NRDC: variants seen among roughly 807,000 people sequenced by gnomAD.
NRDC encodes the protein nardilysin.
Under a neutral mutation model 147.1 loss-of-function variants are expected in NRDC, and 54 were observed. The ratio of observed to expected loss-of-function variants is 0.37; its 90% CI spans 0.29 to 0.46. The LOEUF (loss-of-function observed/expected upper bound fraction) is 0.46, where lower values mean the gene tolerates loss of function less well. NRDC is among the 20% of genes least tolerant of loss of function. The probability of loss-of-function intolerance (pLI) is 1.00; values close to 1 mark genes in which losing one functional copy is unlikely to be tolerated. For synonymous variants in NRDC, 440 were observed against 482.1 expected, an observed-to-expected ratio of 0.91 and a Z score of 1.14; for missense variants, 1,082 against 1,370.6, an observed-to-expected ratio of 0.79 and a Z score of 3.33.
intron 2 of NRDC, 35 bp downstream of exon 2, chr1:51,840,191 T>G (rs1455223527): frequency 6.5e-7 from 1 of 1,539,752 alleles, no homozygotes; most frequent in South Asian, 1.3e-5. Context: ...ACCCAAAGAA[T>G]TCCCAAATTA....
intron 5 of NRDC, among the ~76,000 whole-genome samples, chr1:51,826,905 T>C (rs1680471392): frequency 6.6e-6 from 1 of 152,184 alleles, no homozygotes; most frequent in South Asian, 2.1e-4. Context: ...AAAAACATAC[T>C]AGAAAGCATT....
chr1:51,863,013 GAAAAAAAAAAAAAAA>G (rs562410956), intron 1 of NRDC, among the ~76,000 whole-genome samples: 1 of 32,048 alleles, frequency 3.1e-5, no homozygotes, highest in Non-Finnish European at 5.0e-5. Context: ...CTGTGTGGAG[GAAAAAAAAAAAAAAA>G]AAAAAAAAAA....
intron 1 of NRDC, among the ~76,000 whole-genome samples, chr1:51,845,415 G>T (rs1681505414): frequency 1.3e-5 from 2 of 152,112 alleles, no homozygotes. Context: ...CAACAATGGC[G>T]AAAACCCGAC....
At chr1:51,825,886 T>G (rs1293012217) in intron 5 of NRDC, among the ~76,000 whole-genome samples, 1 of 152,204 alleles carries the variant, frequency 6.6e-6, no homozygotes, top group East Asian at 1.9e-4. Context: ...TGAAACTTAA[T>G]CCCCAATGTG....
intron 22 of NRDC, among the ~76,000 whole-genome samples, chr1:51,797,175 TG>T (rs1467726868): frequency 2.0e-5 from 3 of 151,950 alleles, no homozygotes; most frequent in Non-Finnish European, 2.9e-5. Context: ...GACTCCAGCC[TG>T]GGTGACAGAG....
intron 1 of NRDC, among the ~76,000 whole-genome samples, chr1:51,844,727 G>A (rs766569776): frequency 4.2e-5 from 6 of 144,456 alleles, no homozygotes; most frequent in Non-Finnish European, 7.6e-5. Context: ...CTGGGCGACA[G>A]AGCAAGACTC....
chr1:51,790,585 T>C lies in NRDC; in HGVS notation c.3116A>G (p.Asn1039Ser). ...DTHLGEEVDRNWNEVVTQQYL... is the reference protein window; with the variant it reads ...DTHLGEEVDRSWNEVVTQQYL... Reference sequence around the variant, plus strand: ...CTGCTGTGTAACCACTTCATTCCAGTTCCTATCCACCTCCTCCCCAAGGTG... The same window carrying C: ...CTGCTGTGTAACCACTTCATTCCAGCTCCTATCCACCTCCTCCCCAAGGTG... The change falls in exon 29 of 31, where the codon AAC (asparagine) becomes AGC (serine). Residue 1039 changes from asparagine to serine, a missense_variant. Physicochemically the swap from Asn to Ser is conservative, Grantham distance 46 (BLOSUM62 1). Coordinates refer to ENST00000352171, the MANE Select transcript of NRDC (RefSeq NM_001101662.2). 1 of 1,614,074 alleles carries C rather than the reference T, an allele frequency of 6.2e-7. No individual in the cohort carries two copies. The highest frequency in any genetic ancestry group is 8.5e-7 in the Non-Finnish European group (1 of 1,179,936).
chr1:51,876,056 A>G (rs1683309528), intron 1 of NRDC, among the ~76,000 whole-genome samples: 2 of 152,222 alleles, frequency 1.3e-5, no homozygotes, highest in Non-Finnish European at 2.9e-5. Flanking sequence ...AAACAAATTT[A>G]CCAAAAATGA....
At chr1:51,838,060 T>C (rs997285943) in intron 2 of NRDC, among the ~76,000 whole-genome samples, 5 of 152,202 alleles carry the variant, frequency 3.3e-5, no homozygotes, top group Non-Finnish European at 7.4e-5. Flanking sequence ...CATTTACCAC[T>C]TACGATCGTG....
chr1:51,790,786 G>A (rs369731877), intron 28 of NRDC, 114 bp downstream of exon 28: 3 of 971,644 alleles, frequency 3.1e-6, no homozygotes, highest in East Asian at 2.4e-5. Context: ...AGACACTATT[G>A]TAAGAGGAAG....
At chr1:51,871,569 T>C (rs1383881749) in intron 1 of NRDC, among the ~76,000 whole-genome samples, 3 of 132,714 alleles carry the variant, frequency 2.3e-5, no homozygotes, top group Non-Finnish European at 4.7e-5. Flanking sequence ...GCTTCCCAAC[T>C]GCTCCTTTTC....
chr1:51,854,292 C>T (rs1682129447), intron 1 of NRDC, among the ~76,000 whole-genome samples: 3 of 152,130 alleles, frequency 2.0e-5, no homozygotes, highest in Admixed American at 2.0e-4. Flanking sequence ...CGCTTGAACC[C>T]AGGAGGCAGA....
chr1:51,863,606 T>G (rs557073840), intron 1 of NRDC, among the ~76,000 whole-genome samples: 7 of 152,280 alleles, frequency 4.6e-5, no homozygotes, highest in Non-Finnish European at 1.0e-4. Context: ...CCACAAACTA[T>G]AGTTTCAGAA....
At chr1:51,831,936 A>T (rs1680732691) in intron 4 of NRDC, among the ~76,000 whole-genome samples, 2 of 152,328 alleles carry the variant, frequency 1.3e-5, no homozygotes, top group East Asian at 1.9e-4. Flanking sequence ...CAAAAAAAAA[A>T]TAAATAAATA....
chr1:51,877,825 T>G (rs1227590702), intron 1 of NRDC, among the ~76,000 whole-genome samples: 1 of 152,182 alleles, frequency 6.6e-6, no homozygotes, highest in African/African-American at 2.4e-5. Flanking sequence ...AGCCACACCA[T>G]CCTCTGGTAA....
chr1:51,874,654 A>C (rs1340691280), intron 1 of NRDC, among the ~76,000 whole-genome samples: 1 of 152,080 alleles, frequency 6.6e-6, no homozygotes, highest in Non-Finnish European at 1.5e-5. Context: ...CACCACTACT[A>C]ATCCTGCCCA....
At chr1:51,855,911 CACATT>C (rs1446831710) in intron 1 of NRDC, among the ~76,000 whole-genome samples, 2 of 151,892 alleles carry the variant, frequency 1.3e-5, no homozygotes, top group African/African-American at 2.4e-5. Context: ...ATATACTACA[CACATT>C]ACAAGAACAC....
chr1:51,858,471 T>TAAAAA (rs79682328), intron 1 of NRDC, among the ~76,000 whole-genome samples: 1 of 122,026 alleles, frequency 8.2e-6, no homozygotes, highest in East Asian at 2.3e-4. Context: ...ACCCTGTCTT[T>TAAAAA]AAAAAAAAAA....
intron 1 of NRDC, among the ~76,000 whole-genome samples, chr1:51,842,083 G>A (rs1178621177): frequency 6.6e-6 from 1 of 152,110 alleles, no homozygotes; most frequent in Non-Finnish European, 1.5e-5. Flanking sequence ...GAGGTTGGGA[G>A]GATGATTTGA....
Sources: allele counts gnomAD v4.1 joint callset (sites outside exome capture counted in the v4.1 genomes callset), GRCh38; gene constraint gnomAD v4.1.1; transcripts MANE v1.5; gene names NCBI Gene and HGNC (gene_info 2026-07-23, HGNC 2026-07-21).